The following SGCD variants were observed in gnomAD, a reference collection of about 807,000 sequenced individuals.
SGCD encodes delta-sarcoglycan.
Under a neutral mutation model 36.6 loss-of-function variants are expected in SGCD, and 18 were observed. The ratio of observed to expected loss-of-function variants is 0.49; its 90% CI spans 0.34 to 0.73. SGCD has a LOEUF of 0.73. SGCD is among the 30% of genes least tolerant of loss of function. SGCD has a pLI of 0.01. For missense variants in SGCD, 387 were observed against 346.7 expected (o/e 1.12, Z -0.92); for synonymous variants, 133 against 130.6 (o/e 1.02, Z -0.12).
the SGCD span, among the ~76,000 whole-genome samples, chr5:155,776,567 T>G: frequency 6.6e-6 from 1 of 152,278 alleles, no homozygotes; most frequent in East Asian, 1.9e-4. Flanking sequence ...CCAGTCTTCC[T>G]TTAACCCTTA....
chr5:155,941,721 C>T (rs1435566067), intron 1 of SGCD, among the ~76,000 whole-genome samples: 1 of 151,988 alleles, frequency 6.6e-6, no homozygotes, highest in Non-Finnish European at 1.5e-5. Flanking sequence ...TTCAATGCCT[C>T]TATGTTCAAA....
At chr5:156,548,173 T>C (rs1373734557) in intron 4 of SGCD, among the ~76,000 whole-genome samples, 1 of 152,198 alleles carries the variant, frequency 6.6e-6, no homozygotes, top group Non-Finnish European at 1.5e-5. Flanking sequence ...TTTTAGGTGT[T>C]AATGGCCCAA....
rs1441895311 is a variant in SGCD, at chr5:156,764,096, C to G, written c.*4706C>G. On this transcript the variant is annotated 3_prime_UTR_variant, in exon 9 of 9. Transcript: ENST00000337851. ...GCATGAAAAGGATAAGGAAACAGCT[C>G]CTGGAATGATACATTTGCATAGTGC... is the stretch of plus-strand genomic sequence containing the variant. The G allele has an allele frequency of 3.3e-5, 5 of 152,190 alleles. No homozygotes were observed. The highest frequency in any genetic ancestry group is 7.4e-5 in the Non-Finnish European group (5 of 68,018). 9.4% of individuals were successfully genotyped at this position (152,190 alleles called of 1,614,324 possible).
chr5:155,936,144 A>C (rs1258097729), intron 1 of SGCD, among the ~76,000 whole-genome samples: 2 of 152,146 alleles, frequency 1.3e-5, no homozygotes. Flanking sequence ...GAAGGACTGC[A>C]GCTCTTCTTT....
Position 156,330,306 on chromosome 5 carries a change from C to T in SGCD, c.3+727C>T, listed in dbSNP as rs142719604. On this transcript the variant is annotated intron_variant, in intron 2 of 8. Coordinates refer to ENST00000337851, the MANE Select transcript of SGCD (RefSeq NM_000337.6). ...CAAGCATCTTGGATAGTTTCCTAAG[C>T]CACGTCTGACGAACGTGCTGGTACT... Among the ~76,000 whole-genome samples the T allele has an allele frequency of 7.1e-4, 108 of 152,182 alleles. No individual in the cohort carries two copies. In the Middle Eastern group the frequency reaches 0.01, roughly 14 times the overall value.
At chr5:155,814,316 C>T in the SGCD span, among the ~76,000 whole-genome samples, 3 of 152,192 alleles carry the variant, frequency 2.0e-5, no homozygotes, top group African/African-American at 7.2e-5. Flanking sequence ...CATCATTCTT[C>T]AGAATTTATT....
intron 1 of SGCD, among the ~76,000 whole-genome samples, chr5:155,906,129 A>G (rs1490006979): frequency 2.6e-5 from 4 of 152,114 alleles, no homozygotes; most frequent in Non-Finnish European, 4.4e-5. Flanking sequence ...TCTGTAATCA[A>G]TGATCTTTAA....
At chr5:156,362,159 A>G (rs7714201) in intron 3 of SGCD, among the ~76,000 whole-genome samples, 29,111 of 152,158 alleles carry the variant, frequency 0.19, 3,010 homozygotes, top group Middle Eastern at 0.27. Context: ...ATGAAGAAGC[A>G]ACACACATGT....
chr5:156,444,531 G>A (rs1257189843), intron 3 of SGCD, among the ~76,000 whole-genome samples: 1 of 151,894 alleles, frequency 6.6e-6, no homozygotes, highest in South Asian at 2.1e-4. Context: ...GCTTTCTTCC[G>A]AAAGATGATT....
intron 3 of SGCD, among the ~76,000 whole-genome samples, chr5:156,181,938 G>A (rs2127627507): frequency 6.6e-6 from 1 of 152,304 alleles, no homozygotes; most frequent in South Asian, 2.1e-4. Flanking sequence ...AAACAAGGAA[G>A]GCATCTGGGA....
In SGCD at chr5:156,766,748, A is replaced by T. The variant is rs1162348512; in HGVS notation, c.*7358A>T. On this transcript the variant is annotated 3_prime_UTR_variant, in exon 9 of 9. Transcript: ENST00000337851. ...AAAGACAAAGTCATTTTGAAGAATT[A>T]ACTCAGCCAGGGATCATGCAAAAAG... 2.0e-5 allele frequency: 3 copies of T among 151,906 alleles called. No homozygotes were observed. The highest frequency in any genetic ancestry group is 7.3e-5 in the African/African-American group (3 of 41,322). 9.4% of individuals were successfully genotyped at this position (151,906 alleles called of 1,614,324 possible). A position where few individuals can be genotyped will look rare whatever the true frequency, so the allele number is the denominator to read the frequency against.
the SGCD span, among the ~76,000 whole-genome samples, chr5:155,730,334 C>G: frequency 6.6e-6 from 1 of 152,056 alleles, no homozygotes; most frequent in South Asian, 2.1e-4. Context: ...CTTCATTCCT[C>G]GGCTTACTCA....
intron 1 of SGCD, among the ~76,000 whole-genome samples, chr5:156,071,002 T>A (rs969550350): frequency 6.6e-6 from 1 of 152,162 alleles, no homozygotes; most frequent in African/African-American, 2.4e-5. Context: ...TTTTATTGCA[T>A]CTATTTGATT....
At chr5:156,667,633 C>G (rs1024858628) in intron 7 of SGCD, among the ~76,000 whole-genome samples, 3 of 152,190 alleles carry the variant, frequency 2.0e-5, no homozygotes, top group Non-Finnish European at 4.4e-5. Flanking sequence ...GGTCAGTAGT[C>G]TGTACTCTGA....
At chr5:155,856,939 A>T in the SGCD span, among the ~76,000 whole-genome samples, 1 of 152,208 alleles carries the variant, frequency 6.6e-6, no homozygotes, top group Non-Finnish European at 1.5e-5. Flanking sequence ...GCCATTGTAA[A>T]AGAAGTTAAA....
At chr5:156,526,600 A>G (rs1257088305) in intron 4 of SGCD, among the ~76,000 whole-genome samples, 3 of 152,182 alleles carry the variant, frequency 2.0e-5, no homozygotes, top group Non-Finnish European at 4.4e-5. Context: ...TTCTTTGCTC[A>G]CACATAAATT....
chr5:156,470,755 A>G (rs1276446829), intron 3 of SGCD, among the ~76,000 whole-genome samples: 3 of 152,192 alleles, frequency 2.0e-5, no homozygotes, highest in African/African-American at 7.2e-5. Flanking sequence ...CAATCATAAT[A>G]AGGACTAATT....
chr5:156,185,245 T>C (rs1259809210), intron 3 of SGCD, among the ~76,000 whole-genome samples: 72 of 149,350 alleles, frequency 4.8e-4, no homozygotes, highest in Non-Finnish European at 7.0e-4. Flanking sequence ...GACAGAGTCT[T>C]GCTCTGTTGC....
At chr5:156,125,452 G>A (rs556985782) in intron 3 of SGCD, among the ~76,000 whole-genome samples, 57 of 151,936 alleles carry the variant, frequency 3.8e-4, no homozygotes, top group African/African-American at 1.3e-3. Context: ...TTTCTATCTA[G>A]TATTCCCAAA....
Sources: allele counts gnomAD v4.1 joint callset (sites outside exome capture counted in the v4.1 genomes callset), GRCh38; gene constraint gnomAD v4.1.1; transcripts MANE v1.5; gene names NCBI Gene and HGNC (gene_info 2026-07-23, HGNC 2026-07-21).